Variants in IGSF6 observed in about 807,000 individuals in gnomAD.
The protein encoded by IGSF6 is immunoglobulin superfamily member 6, also known as down-regulated by activation (immunoglobulin superfamily).
IGSF6 carries 23 observed loss-of-function variants against 24.7 expected under a neutral mutation model. That is an observed-to-expected ratio of 0.93 (90% confidence interval 0.67 to 1.32). IGSF6 has a LOEUF of 1.32. Ranked by LOEUF, IGSF6 falls within the 40% of genes most tolerant of loss-of-function variation. The pLI, the probability that IGSF6 is intolerant of heterozygous loss-of-function variation, is 0.00. For synonymous variants in IGSF6, 110 were observed against 113.7 expected (o/e 0.97, Z 0.21); for missense variants, 295 against 293.6 (o/e 1.00, Z -0.04).
intron 2 of IGSF6, 72 bp downstream of exon 2, chr16:21,647,061 T>G: frequency 6.3e-7 from 1 of 1,593,106 alleles, no homozygotes; most frequent in Non-Finnish European, 8.6e-7. Context: ...TTTCTACATG[T>G]GAGTGAGGTA....
At chr16:21,650,422 C>T (rs771796824) in intron 1 of IGSF6, among the ~76,000 whole-genome samples, 4 of 149,614 alleles carry the variant, frequency 2.7e-5, no homozygotes, top group African/African-American at 4.9e-5. Context: ...GCAGGAGAAT[C>T]GCTTGAACGT....
At chr16:21,647,021 G>C (rs1418662219) in intron 2 of IGSF6, 112 bp downstream of exon 2, 2 of 1,368,340 alleles carry the variant, frequency 1.5e-6, no homozygotes, top group Admixed American at 3.4e-5. Context: ...TCACTGGCTA[G>C]GGTATTAACT....
intron 2 of IGSF6, chr16:21,646,557 G>C (rs1017528116): frequency 5.5e-6 from 1 of 181,130 alleles, no homozygotes; most frequent in African/African-American, 2.4e-5. Flanking sequence ...ATATACAAAA[G>C]AGGTGAACAT....
chr16:21,644,613 C>T lies in IGSF6; in HGVS notation c.428-217G>A, dbSNP rs545555133. 1.5e-3 allele frequency among the ~76,000 whole-genome samples: 229 copies of T among 152,222 alleles called. 1 individual carries two copies. The highest frequency in any genetic ancestry group is 3.4e-3 in the Middle Eastern group (1 of 294). On this transcript the variant is annotated intron_variant, in intron 2 of 5. Coordinates refer to ENST00000268389, the MANE Select transcript of IGSF6 (RefSeq NM_005849.4). Reference sequence around the variant, plus strand: ...AATGTGTTAAACCAAAAATGTTACTCGTTTTTAAACATTAAAAAAATTCAA... The same window carrying T: ...AATGTGTTAAACCAAAAATGTTACTTGTTTTTAAACATTAAAAAAATTCAA...
chr16:21,651,662 C>T (rs77895433), intron 1 of IGSF6, among the ~76,000 whole-genome samples: 3,505 of 152,222 alleles, frequency 0.023, 75 homozygotes, highest in Non-Finnish European at 0.036. Context: ...GTAGTACAGT[C>T]AACCCCCTGC....
chr16:21,641,113 C>T lies in IGSF6; in HGVS notation c.*421G>A, dbSNP rs1010620033. On this transcript the variant is annotated 3_prime_UTR_variant, in exon 6 of 6. Coordinates refer to ENST00000268389, the MANE Select transcript of IGSF6 (RefSeq NM_005849.4). ...AAGGTGCTTTTCAAAATGAATGTCT[C>T]TAACTCAAATTTTGTCACGTTGTCC... is the stretch of plus-strand genomic sequence containing the variant. 2 of 154,296 alleles carry T rather than the reference C, an allele frequency of 1.3e-5. No individual in the cohort carries two copies. The highest frequency in any genetic ancestry group is 4.8e-5 in the African/African-American group (2 of 41,522). The allele number at this position is 154,296 out of a possible 1,614,324, so 9.6% of individuals were successfully genotyped here. A position where few individuals can be genotyped will look rare whatever the true frequency, so the allele number is the denominator to read the frequency against.
chr16:21,648,475 C>G (rs115914423), intron 1 of IGSF6, among the ~76,000 whole-genome samples: 1 of 152,222 alleles, frequency 6.6e-6, no homozygotes, highest in Non-Finnish European at 1.5e-5. Context: ...CCCACAGTGT[C>G]AGATGGCTGT....
intron 1 of IGSF6, 43 bp downstream of exon 1, chr16:21,652,489 T>C: frequency 1.3e-6 from 2 of 1,483,828 alleles, no homozygotes; most frequent in Non-Finnish European, 1.9e-6. Flanking sequence ...AAAATAGCAG[T>C]TGATTTAAAT....
intron 1 of IGSF6, among the ~76,000 whole-genome samples, chr16:21,650,140 CCT>C (rs1366617260): frequency 1.3e-5 from 2 of 151,366 alleles, no homozygotes; most frequent in African/African-American, 2.4e-5. Flanking sequence ...ATTGTGAGTC[CCT>C]GTCTCTATTA....
At chr16:21,644,153 T>G (rs763219476) in intron 3 of IGSF6, 137 bp downstream of exon 3, 3 of 624,808 alleles carry the variant, frequency 4.8e-6, no homozygotes, top group Non-Finnish European at 5.7e-6. Context: ...GCAGGTGGTG[T>G]TCCCTGCAGA....
In IGSF6 at chr16:21,642,692, AT is replaced by A. The variant is rs143375720; in HGVS notation, c.666+381del. On this transcript the variant is annotated intron_variant, in intron 5 of 5. Coordinates refer to ENST00000268389, the MANE Select transcript of IGSF6 (RefSeq NM_005849.4). ...ATTTTTGCCTTATAAGTAACAAGTA[AT>A]TTTTTTTCATAATTTGACCCACAAA... 8.8e-3 allele frequency among the ~76,000 whole-genome samples: 1,343 copies of A among 152,122 alleles called. 46 individuals are homozygous for A. Among genetic ancestry groups the A allele is most frequent in the East Asian group, 0.083 (428 of 5,182 alleles).
intron 3 of IGSF6, 40 bp downstream of exon 3, chr16:21,644,249 CA>C: frequency 7.5e-7 from 1 of 1,333,120 alleles, no homozygotes; most frequent in East Asian, 2.3e-5. Context: ...TGATAATATT[CA>C]AGGATATAGG....
In IGSF6 at chr16:21,652,527, C is replaced by T. The variant is rs1445718725; in HGVS notation, c.67+5G>A. ...AATGAAGGAGGAGAAGAAAAAGAAC[C>T]TTACCGACACAAAATAGAATGAGAT... is the stretch of plus-strand genomic sequence containing the variant. On this transcript the variant is annotated splice_donor_5th_base_variant and intron_variant, in intron 1 of 5. Coordinates refer to ENST00000268389, the MANE Select transcript of IGSF6 (RefSeq NM_005849.4). 2 of 1,604,916 alleles carry T rather than the reference C, an allele frequency of 1.2e-6. No homozygotes were observed. The highest frequency in any genetic ancestry group is 1.3e-5 in the African/African-American group (1 of 74,666).
chr16:21,644,333 A>C lies in IGSF6; in HGVS notation c.491T>G (p.Val164Gly), dbSNP rs1171834180. 2 of 1,614,004 alleles carry C rather than the reference A, an allele frequency of 1.2e-6. No homozygotes were observed. Among genetic ancestry groups the C allele is most frequent in the Non-Finnish European group, 8.5e-7 (1 of 1,179,908 alleles). ...GGCCACGCACACACCGGTCACATAG[A>C]CAGAGAGCAGTGATACAAGAGCTGT... is the stretch of plus-strand genomic sequence containing the variant. ...FLTALVSLLS[V>G]YVTGVCVAFI... Residue 164 changes from valine to glycine, a missense_variant, in exon 3 of 6, where the codon GTC (valine) becomes GGC (glycine). Val to Gly is a moderately radical substitution (Grantham distance 109). Coordinates refer to ENST00000268389, the MANE Select transcript of IGSF6 (RefSeq NM_005849.4).
At position 21,640,291 on chromosome 16, in the gene IGSF6, TG is replaced by T. The variant is rs1163847512; in HGVS notation, c.*1242del. ...TAGTAGGTTGTAAGGTTGTAATTTG[TG>T]TCTAATAATGAATGCATACTTATGG... is the stretch of plus-strand genomic sequence containing the variant. On this transcript the variant is annotated 3_prime_UTR_variant, in exon 6 of 6. Coordinates refer to ENST00000268389, the MANE Select transcript of IGSF6 (RefSeq NM_005849.4). 6.6e-6 allele frequency: 1 copy of T among 152,094 alleles called. No individual in the cohort carries two copies. The highest frequency in any genetic ancestry group is 1.5e-5 in the Non-Finnish European group (1 of 68,018). The allele number at this position is 152,094 out of a possible 1,614,324, so 9.4% of individuals were successfully genotyped here.
At chr16:21,646,540 C>T (rs1966433642) in intron 2 of IGSF6, 1 of 167,408 alleles carries the variant, frequency 6.0e-6, no homozygotes, top group South Asian at 1.4e-4. Context: ...TACACTAAAT[C>T]ACTGTAATAT....
At chr16:21,644,464 G>GC (rs1356891806) in intron 2 of IGSF6, 68 bp from the exon 3 acceptor site, 1 of 1,131,082 alleles carries the variant, frequency 8.8e-7, no homozygotes, top group Admixed American at 1.9e-5. Flanking sequence ...CATGTGTAAA[G>GC]TATCCTTCAC....
Position 21,640,615 on chromosome 16 carries a change from A to G in IGSF6, c.*919T>C, listed in dbSNP as rs1966231317. 6.7e-6 allele frequency: 1 copy of G among 149,856 alleles called. No individual in the cohort carries two copies. The highest frequency in any genetic ancestry group is 2.1e-4 in the South Asian group (1 of 4,774). The allele number at this position is 149,856 out of a possible 1,614,324, so 9.3% of individuals were successfully genotyped here. A position where few individuals can be genotyped will look rare whatever the true frequency, so the allele number is the denominator to read the frequency against. On this transcript the variant is annotated 3_prime_UTR_variant, in exon 6 of 6. Transcript: ENST00000268389. Reference sequence around the variant, plus strand: ...AAAATACAAAAAAAAAAAAAAAAAAAAATTAGCCGGGCGTGGTGGTGCGTA... The same window carrying G: ...AAAATACAAAAAAAAAAAAAAAAAAGAATTAGCCGGGCGTGGTGGTGCGTA...
rs772745383 is a variant in IGSF6 at position 21,652,603 on chromosome 16, G to T, written c.-5C>A. 1.4e-5 allele frequency: 22 copies of T among 1,607,052 alleles called. No homozygotes were observed. Among genetic ancestry groups the T allele is most frequent in the Non-Finnish European group, 1.8e-5 (21 of 1,176,510 alleles). On this transcript the variant is annotated 5_prime_UTR_variant, in exon 1 of 6. Transcript: ENST00000268389. ...GCTTCTGCTCGCAGTCCCCATTTCT[G>T]TGTATGCCGGGGCGGGTTGGGGTGT...
Sources: gnomAD v4.1 joint callset for allele counts (sites outside exome capture counted in the v4.1 genomes callset) on GRCh38, gnomAD v4.1.1 for gene constraint, MANE v1.5 for transcripts, NCBI Gene and HGNC (gene_info 2026-07-23, HGNC 2026-07-21) for gene names.